The following ATAD2B variants were observed in gnomAD, a reference collection of about 807,000 sequenced individuals.
ATAD2B encodes the protein ATPase family AAA domain containing 2B, also known as ATPase family AAA domain-containing protein 2B.
In ATAD2B, 40 loss-of-function variants were observed where a neutral mutation model predicts 167.6. The ratio of observed to expected loss-of-function variants is 0.24; its 90% CI spans 0.19 to 0.31. The LOEUF is 0.31. ATAD2B is among the 10% of genes least tolerant of loss of function. The pLI is 1.00. For missense variants in ATAD2B, 1,242 were observed against 1,757.2 expected (o/e 0.71, Z 5.24); for synonymous variants, 579 against 596.5 (o/e 0.97, Z 0.43).
At chr2:23,692,467 G>A in the ATAD2B span, among the ~76,000 whole-genome samples, 4 of 152,214 alleles carry the variant, frequency 2.6e-5, no homozygotes, top group East Asian at 5.8e-4. Context: ...AAAGACGAAA[G>A]CCCCCAAAGA....
chr2:23,772,071 T>C (rs146438332), intron 22 of ATAD2B, among the ~76,000 whole-genome samples: 3 of 152,144 alleles, frequency 2.0e-5, no homozygotes, highest in Non-Finnish European at 4.4e-5. Flanking sequence ...GGAATCACTG[T>C]CCTGTGTTGC....
chr2:23,716,471 G>GTTC, the ATAD2B span, among the ~76,000 whole-genome samples: 2 of 149,698 alleles, frequency 1.3e-5, no homozygotes, highest in South Asian at 4.3e-4. Flanking sequence ...TGTTGTTGTT[G>GTTC]TTACCTGGAT....
intron 13 of ATAD2B, among the ~76,000 whole-genome samples, chr2:23,847,466 C>T (rs947291497): frequency 6.6e-6 from 1 of 151,708 alleles, no homozygotes; most frequent in African/African-American, 2.4e-5. Context: ...GATTGCGCCA[C>T]TGCACTCCAG....
At chr2:23,896,701 T>A (rs544906658) in intron 1 of ATAD2B, among the ~76,000 whole-genome samples, 1 of 152,170 alleles carries the variant, frequency 6.6e-6, no homozygotes, top group Non-Finnish European at 1.5e-5. Flanking sequence ...ATATTCAAAT[T>A]TCACCAAATG....
the ATAD2B span, among the ~76,000 whole-genome samples, chr2:23,741,065 G>A: frequency 1.2e-4 from 18 of 151,880 alleles, no homozygotes; most frequent in African/African-American, 3.6e-4. Context: ...ATACAAACAA[G>A]TGGAAGAACA....
intron 13 of ATAD2B, among the ~76,000 whole-genome samples, chr2:23,838,115 A>G (rs868133222): frequency 2.0e-5 from 3 of 152,306 alleles, no homozygotes; most frequent in Middle Eastern, 3.4e-3. Flanking sequence ...TCCAAAATCT[A>G]TAAGCGGAAT....
intron 22 of ATAD2B, among the ~76,000 whole-genome samples, chr2:23,781,004 A>G (rs1316805534): frequency 6.6e-6 from 1 of 152,160 alleles, no homozygotes; most frequent in East Asian, 1.9e-4. Flanking sequence ...TTTTAGTATT[A>G]CCTATCAAAT....
intron 12 of ATAD2B, among the ~76,000 whole-genome samples, chr2:23,857,989 C>T (rs939581852): frequency 3.3e-5 from 5 of 151,906 alleles, no homozygotes; most frequent in African/African-American, 7.3e-5. Flanking sequence ...GTGATCTGCC[C>T]GCCTCGACCT....
At chr2:23,800,736 A>G (rs1166094766) in intron 18 of ATAD2B, among the ~76,000 whole-genome samples, 1 of 151,966 alleles carries the variant, frequency 6.6e-6, no homozygotes, top group Non-Finnish European at 1.5e-5. Context: ...AACAAATTGA[A>G]CATGATATCC....
chr2:23,709,175 G>A, the ATAD2B span, among the ~76,000 whole-genome samples: 2 of 152,116 alleles, frequency 1.3e-5, no homozygotes, highest in East Asian at 3.8e-4. Flanking sequence ...CTGAGTAGCT[G>A]GGATTACAAG....
chr2:23,726,821 T>C, the ATAD2B span, among the ~76,000 whole-genome samples: 3 of 152,078 alleles, frequency 2.0e-5, no homozygotes, highest in Admixed American at 1.3e-4. Context: ...GTGTAATGAG[T>C]ACAAAGCTTC....
intron 8 of ATAD2B, among the ~76,000 whole-genome samples, chr2:23,870,552 C>G (rs1349087426): frequency 6.6e-6 from 1 of 151,608 alleles, no homozygotes; most frequent in East Asian, 1.9e-4. Context: ...TCCCAAAGTG[C>G]TGGAGTTACA....
At chr2:23,886,494 A>G (rs934666061) in intron 4 of ATAD2B, among the ~76,000 whole-genome samples, 2 of 152,168 alleles carry the variant, frequency 1.3e-5, no homozygotes, top group African/African-American at 4.8e-5. Context: ...CTTGTACAAA[A>G]TAATTGTATA....
intron 23 of ATAD2B, among the ~76,000 whole-genome samples, chr2:23,764,550 T>C (rs1276203392): frequency 6.6e-6 from 1 of 152,192 alleles, no homozygotes; most frequent in African/African-American, 2.4e-5. Context: ...GATGGGGTTC[T>C]AGGGACTGGA....
At chr2:23,771,204 C>T (rs899479515) in intron 22 of ATAD2B, among the ~76,000 whole-genome samples, 6 of 152,152 alleles carry the variant, frequency 3.9e-5, no homozygotes, top group Admixed American at 3.9e-4. Context: ...TTAAATATTC[C>T]ATAGGATTTT....
At chr2:23,819,054 T>A (rs1445768203) in intron 17 of ATAD2B, among the ~76,000 whole-genome samples, 4 of 152,238 alleles carry the variant, frequency 2.6e-5, no homozygotes, top group African/African-American at 9.6e-5. Context: ...TTATTACAAA[T>A]TAAAGTATTC....
chr2:23,775,217 G>GTTTTTTTTTTTTTTTT (rs201108358), intron 22 of ATAD2B, among the ~76,000 whole-genome samples: 1 of 144,372 alleles, frequency 6.9e-6, no homozygotes, highest in African/African-American at 2.5e-5. Flanking sequence ...ATTTTTTTAT[G>GTTTTTTTTTTTTTTTT]TTTTATTTTT....
At chr2:23,829,067 TA>T (rs1423988583) in intron 14 of ATAD2B, 128 bp from the exon 15 acceptor site, 2 of 623,900 alleles carry the variant, frequency 3.2e-6, no homozygotes, top group Non-Finnish European at 5.5e-6. Context: ...ATTTTTATTT[TA>T]AAAAAAATTT....
intron 16 of ATAD2B, among the ~76,000 whole-genome samples, chr2:23,820,134 A>T (rs759369794): frequency 4.9e-4 from 71 of 145,386 alleles, no homozygotes; most frequent in Non-Finnish European, 1.0e-3. Flanking sequence ...TGACTGGCTT[A>T]AAAAAAAAAA....
Sources: allele counts gnomAD v4.1 joint callset (sites outside exome capture counted in the v4.1 genomes callset), GRCh38; gene constraint gnomAD v4.1.1; transcripts MANE v1.5; gene names NCBI Gene and HGNC (gene_info 2026-07-23, HGNC 2026-07-21).